Variants in PCYT1B observed in about 807,000 individuals in gnomAD.
PCYT1B encodes the protein choline-phosphate cytidylyltransferase B.
In PCYT1B, 10 loss-of-function variants were observed where a neutral mutation model predicts 26.4. That is an observed-to-expected ratio of 0.38 (90% CI 0.23 to 0.64). The LOEUF is 0.64. Ranked by LOEUF, PCYT1B falls within the 30% of genes least tolerant of loss-of-function variation. The probability of loss-of-function intolerance (pLI) is 0.56; values close to 1 mark genes in which losing one functional copy is unlikely to be tolerated. For synonymous variants in PCYT1B, 131 were observed against 108.4 expected, an observed-to-expected ratio of 1.21 and a Z score of -1.29; for missense variants, 161 against 292.7, an observed-to-expected ratio of 0.55 and a Z score of 3.28.
chrX:24,584,727 G>C (rs1924313515), intron 5 of PCYT1B, among the ~76,000 whole-genome samples: 1 of 111,871 alleles, frequency 8.9e-6, no homozygotes, highest in South Asian at 3.8e-4. Context: ...TTCATTTCTA[G>C]GGATCATGTC....
At chrX:24,632,884 A>G (rs751985599) in intron 1 of PCYT1B, among the ~76,000 whole-genome samples, 1 of 111,717 alleles carries the variant, frequency 9.0e-6, no homozygotes, top group Non-Finnish European at 1.9e-5. Flanking sequence ...GGATGATTAT[A>G]GTTAACAACA....
At chrX:24,630,239 A>G (rs753192899) in intron 1 of PCYT1B, among the ~76,000 whole-genome samples, 1 of 112,399 alleles carries the variant, frequency 8.9e-6, no homozygotes, top group East Asian at 2.8e-4. Context: ...AGTTTAAAAT[A>G]ATAGTTGCAA....
At chrX:24,592,892 T>C (rs1338227746) in intron 3 of PCYT1B, among the ~76,000 whole-genome samples, 1 of 111,726 alleles carries the variant, frequency 9.0e-6, no homozygotes, top group African/African-American at 3.2e-5. Context: ...CTCCCTCAAG[T>C]CTTTCCCCCT....
chrX:24,598,484 T>TAC (rs34181498), intron 3 of PCYT1B, among the ~76,000 whole-genome samples: 5,049 of 100,977 alleles, frequency 0.05, 225 homozygotes, highest in African/African-American at 0.13. Context: ...GATATATATA[T>TAC]ACACACACAC....
chrX:24,647,300 G>T lies in PCYT1B; in HGVS notation c.-195C>A. The T allele has an allele frequency of 9.9e-7, 1 of 1,008,826 alleles. No individual in the cohort carries two copies. Among genetic ancestry groups the T allele is most frequent in the Non-Finnish European group, 1.3e-6 (1 of 799,355 alleles). 83.1% of individuals were successfully genotyped at this position (1,008,826 alleles called of 1,213,427 possible). On this transcript the variant is annotated 5_prime_UTR_variant, in exon 1 of 8. Coordinates refer to ENST00000379144, the MANE Select transcript of PCYT1B (RefSeq NM_004845.5). ...CTCTCTCTCTCTCTCTCTCCCAGAA[G>T]CCAAGAGGCAAGGCCTCAGTTTATC...
At chrX:24,601,524 C>A (rs546971001) in intron 3 of PCYT1B, among the ~76,000 whole-genome samples, 2 of 104,511 alleles carry the variant, frequency 1.9e-5, no homozygotes, top group Non-Finnish European at 3.9e-5. Context: ...ATGGACTGGG[C>A]GAAAAATATT....
chrX:24,610,198 A>G (rs1273606417), intron 2 of PCYT1B, among the ~76,000 whole-genome samples: 2 of 112,030 alleles, frequency 1.8e-5, no homozygotes. Context: ...ACTTAGATTT[A>G]AAATTGTGAT....
intron 1 of PCYT1B, among the ~76,000 whole-genome samples, chrX:24,625,338 A>G (rs1175251937): frequency 1.8e-5 from 2 of 111,743 alleles, no homozygotes; most frequent in Non-Finnish European, 3.8e-5. Flanking sequence ...TTAAAACCTT[A>G]TTTATTGTGG....
At chrX:24,613,975 AAAAGAAAGAAAGAGAG>A (rs1413337175) in intron 2 of PCYT1B, among the ~76,000 whole-genome samples, 46 of 105,517 alleles carry the variant, frequency 4.4e-4, no homozygotes, top group African/African-American at 9.3e-4. Context: ...AAAAAAAAAA[AAAAGAAAGAAAGAGAG>A]AAAGAAAGAA....
intron 3 of PCYT1B, 72 bp downstream of exon 3, chrX:24,607,673 T>C (rs1406498584): frequency 1.8e-6 from 1 of 551,185 alleles, no homozygotes; most frequent in African/African-American, 2.3e-5. Flanking sequence ...CTGATGGAAC[T>C]CTGAAAGGGG....
chrX:24,624,189 T>C (rs1925809766), intron 1 of PCYT1B, among the ~76,000 whole-genome samples: 2 of 110,355 alleles, frequency 1.8e-5, no homozygotes, highest in Non-Finnish European at 3.8e-5. Flanking sequence ...CAGGATGGTC[T>C]TGATCTCCTG....
intron 1 of PCYT1B, among the ~76,000 whole-genome samples, chrX:24,660,008 C>T (rs1926995763): frequency 9.0e-6 from 1 of 111,580 alleles, no homozygotes; most frequent in African/African-American, 3.3e-5. Context: ...GGTTCTCAAC[C>T]TTGGTTGTGC....
intron 2 of PCYT1B, 51 bp from the exon 3 acceptor site, chrX:24,607,912 A>G: frequency 1.6e-6 from 1 of 641,195 alleles, no homozygotes; most frequent in Non-Finnish European, 2.5e-6. Context: ...GAGGAATCCC[A>G]GTTACCTTCT....
intron 1 of PCYT1B, among the ~76,000 whole-genome samples, chrX:24,656,551 C>CTTTTTTTTTTTT (rs1179469896): frequency 3.5e-5 from 2 of 56,637 alleles, no homozygotes; most frequent in Non-Finnish European, 6.0e-5. Flanking sequence ...TCTTTTTTTC[C>CTTTTTTTTTTTT]TTTTTTTTTT....
intron 5 of PCYT1B, among the ~76,000 whole-genome samples, chrX:24,583,306 A>C (rs189582849): frequency 3.0e-3 from 338 of 111,759 alleles, no homozygotes; most frequent in African/African-American, 0.011. Flanking sequence ...ACTGAGTGCC[A>C]TGATCATAGC....
intron 2 of PCYT1B, among the ~76,000 whole-genome samples, chrX:24,617,454 T>TTA (rs1555960855): frequency 1.0e-5 from 1 of 99,733 alleles, no homozygotes; most frequent in African/African-American, 3.7e-5. Context: ...TTATTATTAT[T>TTA]TTTTTTTTTT....
chrX:24,605,472 A>G (rs1418980494), intron 3 of PCYT1B, among the ~76,000 whole-genome samples: 1 of 111,563 alleles, frequency 9.0e-6, no homozygotes, highest in Non-Finnish European at 1.9e-5. Context: ...ATATTTCTTC[A>G]TAGTACCACT....
chrX:24,640,313 C>G (rs1926426148), intron 1 of PCYT1B, among the ~76,000 whole-genome samples: 2 of 112,309 alleles, frequency 1.8e-5, no homozygotes, highest in Non-Finnish European at 3.8e-5. Flanking sequence ...GCATTTGATT[C>G]TATTGGACAT....
At chrX:24,588,730 T>C (rs1424534021) in intron 4 of PCYT1B, among the ~76,000 whole-genome samples, 4 of 111,332 alleles carry the variant, frequency 3.6e-5, no homozygotes, top group Non-Finnish European at 7.5e-5. Flanking sequence ...TTTTACCCAC[T>C]AGAAGCCGGT....
Sources: allele counts gnomAD v4.1 joint callset (sites outside exome capture counted in the v4.1 genomes callset), GRCh38; gene constraint gnomAD v4.1.1; transcripts MANE v1.5; gene names NCBI Gene and HGNC (gene_info 2026-07-23, HGNC 2026-07-21).